MEIOB: variants seen among roughly 807,000 people sequenced by gnomAD.
MEIOB encodes meiosis-specific with OB domain-containing protein.
In MEIOB, 50 loss-of-function variants were observed where a neutral mutation model predicts 53.1. That is an observed-to-expected ratio of 0.94 (90% CI 0.75 to 1.19). The LOEUF (loss-of-function observed/expected upper bound fraction) is 1.19. Ranked by LOEUF, MEIOB falls within the 50% of genes most tolerant of loss-of-function variation. The pLI is 0.00. For missense variants in MEIOB, 551 were observed against 550.8 expected, an observed-to-expected ratio of 1.00 and a Z score of 0.00; for synonymous variants, 192 against 182.5, an observed-to-expected ratio of 1.05 and a Z score of -0.42.
At position 1,843,948 on chromosome 16, in the gene MEIOB, G is replaced by A. The variant is rs1041013301; in HGVS notation, c.880+914C>T. Among the ~76,000 whole-genome samples the A allele has an allele frequency of 3.3e-5, 5 of 152,072 alleles. No homozygotes were observed. In the East Asian group the frequency reaches 9.7e-4, roughly 29 times the overall value. ...CATTGGTTTCTTTTCTTTTGTTGAT[G>A]TCTAGTGCATGAAATTTAATTTTCT... On this transcript the variant is annotated intron_variant, in intron 10 of 13. Coordinates refer to ENST00000325962, the MANE Select transcript of MEIOB (RefSeq NM_001163560.3).
At chr16:1,836,400 A>G (rs924461867) in intron 13 of MEIOB, among the ~76,000 whole-genome samples, 2 of 152,204 alleles carry the variant, frequency 1.3e-5, no homozygotes, top group African/African-American at 4.8e-5. Context: ...CCATGAACTT[A>G]AGTTGATCAG....
chr16:1,848,584 C>A (rs1456828550), intron 9 of MEIOB, among the ~76,000 whole-genome samples: 5 of 141,064 alleles, frequency 3.5e-5, no homozygotes, highest in Non-Finnish European at 7.5e-5. Context: ...ACTCTGTTGC[C>A]CAGGCTGGGA....
chr16:1,869,182 T>C (rs1311543626), intron 1 of MEIOB, among the ~76,000 whole-genome samples: 1 of 152,204 alleles, frequency 6.6e-6, no homozygotes, highest in Non-Finnish European at 1.5e-5. Context: ...TGGAGTGCAG[T>C]GGCACAATCT....
intron 7 of MEIOB, among the ~76,000 whole-genome samples, chr16:1,853,479 C>G (rs1418544042): frequency 6.6e-6 from 1 of 152,204 alleles, no homozygotes; most frequent in African/African-American, 2.4e-5. Flanking sequence ...AACACACACT[C>G]TCCTCTAGTA....
In MEIOB at chr16:1,844,908, ATTCG is replaced by A; in HGVS notation, c.830_833del (p.Thr277MetfsTer15). On this transcript the variant is annotated frameshift_variant, in exon 10 of 14. Coordinates refer to ENST00000325962, the MANE Select transcript of MEIOB (RefSeq NM_001163560.3). LOFTEE classifies it high-confidence loss of function. Reference sequence around the variant, plus strand: ...AACTGTCAATTTCATCATCCAGAACATTCGTTTCTTTATTTTCTCGTATAAAATT... The same window carrying A: ...AACTGTCAATTTCATCATCCAGAACATTTCTTTATTTTCTCGTATAAAATT... 2 of 1,565,282 alleles carry A rather than the reference ATTCG, an allele frequency of 1.3e-6. No homozygotes were observed. The highest frequency in any genetic ancestry group is 1.8e-6 in the Non-Finnish European group (2 of 1,140,642).
At chr16:1,856,903 A>G (rs1899323097) in intron 6 of MEIOB, among the ~76,000 whole-genome samples, 1 of 151,268 alleles carries the variant, frequency 6.6e-6, no homozygotes, top group African/African-American at 2.4e-5. Context: ...AGCTGAGATT[A>G]CAGGTACACA....
intron 13 of MEIOB, among the ~76,000 whole-genome samples, chr16:1,837,230 TG>T (rs983147286): frequency 1.3e-5 from 2 of 152,016 alleles, no homozygotes; most frequent in African/African-American, 4.8e-5. Flanking sequence ...TCTCACAGGC[TG>T]AGGTGTGGTG....
intron 2 of MEIOB, among the ~76,000 whole-genome samples, chr16:1,867,373 A>G (rs943207564): frequency 1.3e-5 from 2 of 151,996 alleles, no homozygotes; most frequent in African/African-American, 4.8e-5. Context: ...TTATAAACCT[A>G]TATCATAAAA....
At chr16:1,854,668 C>G (rs1028997932) in intron 6 of MEIOB, among the ~76,000 whole-genome samples, 1 of 152,138 alleles carries the variant, frequency 6.6e-6, no homozygotes, top group African/African-American at 2.4e-5. Flanking sequence ...AAAGTGTCCA[C>G]AGGAAACAAA....
At chr16:1,842,698 C>T (rs1384753117) in intron 10 of MEIOB, among the ~76,000 whole-genome samples, 1 of 149,424 alleles carries the variant, frequency 6.7e-6, no homozygotes, top group Non-Finnish European at 1.5e-5. Context: ...GAGTCTCACT[C>T]TGTCGCCCAG....
In MEIOB at chr16:1,841,856, A is replaced by G. The variant is rs1898919707; in HGVS notation, c.998T>C (p.Ile333Thr). ...ILYAYISTLN[I>T]DDETTKVVRN... ...AACTACTTTTGTAGTTTCATCATCA[A>G]TGTTGAGTGTGGAAATGTAGGCATA... Residue 333 changes from isoleucine to threonine, a missense_variant, in exon 11 of 14, where the codon ATT becomes ACT. Transcript: ENST00000325962. 1 of 1,600,934 alleles carries G rather than the reference A, an allele frequency of 6.2e-7. No homozygotes were observed. Among genetic ancestry groups the G allele is most frequent in the Non-Finnish European group, 8.5e-7 (1 of 1,174,814 alleles).
At chr16:1,855,570 C>T (rs73492215) in intron 6 of MEIOB, among the ~76,000 whole-genome samples, 5,473 of 152,230 alleles carry the variant, frequency 0.036, 337 homozygotes, top group African/African-American at 0.12. Context: ...GGAAAGCTGC[C>T]GCAGTTTCCT....
intron 9 of MEIOB, among the ~76,000 whole-genome samples, chr16:1,845,323 T>C (rs1432997357): frequency 1.3e-5 from 2 of 152,098 alleles, no homozygotes; most frequent in African/African-American, 4.8e-5. Flanking sequence ...ATGGAGACCA[T>C]CCTGGCTAAC....
At chr16:1,862,217 C>T in intron 3 of MEIOB, 101 bp from the exon 4 acceptor site, 1 of 871,068 alleles carries the variant, frequency 1.1e-6, no homozygotes, top group Non-Finnish European at 1.7e-6. Context: ...CAATTATAAA[C>T]AAATGATTAT....
chr16:1,839,311 T>C lies in MEIOB; in HGVS notation c.1162A>G (p.Thr388Ala), dbSNP rs755596200. 1 of 1,614,138 alleles carries C rather than the reference T, an allele frequency of 6.2e-7. No homozygotes were observed. Among genetic ancestry groups the C allele is most frequent in the Non-Finnish European group, 8.5e-7 (1 of 1,180,032 alleles). Reference protein sequence around the residue: ...VLIDLTDHTGTLHSCSLTGSV... With the variant: ...VLIDLTDHTGALHSCSLTGSV... Reference sequence around the variant, plus strand: ...CCTGTGAGACTACAGGAATGAAGGGTGCCTGTGTGATCAGTCAGATCAATC... The same window carrying C: ...CCTGTGAGACTACAGGAATGAAGGGCGCCTGTGTGATCAGTCAGATCAATC... Residue 388 changes from threonine (T) to alanine (A), a missense_variant, in exon 12 of 14, where the codon ACC (threonine) becomes GCC (alanine). Coordinates refer to ENST00000325962, the MANE Select transcript of MEIOB (RefSeq NM_001163560.3).
At chr16:1,866,971 T>C (rs1232660579) in intron 2 of MEIOB, among the ~76,000 whole-genome samples, 1 of 152,208 alleles carries the variant, frequency 6.6e-6, no homozygotes, top group Non-Finnish European at 1.5e-5. Context: ...CTGAATTTTG[T>C]TGGAAAATCC....
At chr16:1,868,276 G>C in intron 1 of MEIOB, 92 bp from the exon 2 acceptor site, 1 of 686,234 alleles carries the variant, frequency 1.5e-6, no homozygotes, top group Non-Finnish European at 2.5e-6. Context: ...CTTATTTAGG[G>C]CCGGACATGG....
At chr16:1,858,815 T>C (rs543276565) in intron 5 of MEIOB, among the ~76,000 whole-genome samples, 1 of 152,340 alleles carries the variant, frequency 6.6e-6, no homozygotes, top group East Asian at 1.9e-4. Context: ...AGCAGTTTCA[T>C]ATGGCTCAAA....
chr16:1,870,682 C>A (rs1899721314), intron 1 of MEIOB, among the ~76,000 whole-genome samples: 1 of 152,150 alleles, frequency 6.6e-6, no homozygotes. Context: ...ATCCAATGTA[C>A]CAGTTTTTGT....
Sources: allele counts gnomAD v4.1 joint callset (sites outside exome capture counted in the v4.1 genomes callset), GRCh38; gene constraint gnomAD v4.1.1; transcripts MANE v1.5; gene names NCBI Gene and HGNC (gene_info 2026-07-23, HGNC 2026-07-21).